Variants in KMT2A observed in about 807,000 individuals in gnomAD.
The protein encoded by KMT2A is lysine methyltransferase 2A.
In KMT2A, 16 loss-of-function variants were observed where a neutral mutation model predicts 345.3. That is an observed-to-expected ratio of 0.05 (90% CI 0.03 to 0.07). The LOEUF is 0.07. Ranked by LOEUF, KMT2A falls within the 10% of genes least tolerant of loss-of-function variation. KMT2A has a pLI of 1.00. For synonymous variants in KMT2A, 1,599 were observed against 1,778.6 expected (o/e 0.90, Z 2.54); for missense variants, 3,272 against 4,841.6 (o/e 0.68, Z 9.62).
rs782055593 is a variant in KMT2A at position 118,436,800 on chromosome 11, G to A, written c.288G>A (p.Ser96=). ...SSSASSSSSS[S]SSASSGPALL... is the part of the protein sequence containing the mutation. ...CCGCCTCGTCTTCGTCTTCGTCATCGTCCTCAGCCTCTTCAGGGCCGGCCC... is the reference window on the plus strand; with the variant it reads ...CCGCCTCGTCTTCGTCTTCGTCATCATCCTCAGCCTCTTCAGGGCCGGCCC... Residue 96 remains serine, a synonymous_variant, in exon 1 of 36, where the codon TCG becomes TCA. Transcript: ENST00000534358. The surrounding 1 kb of genome is among the most constrained non-coding windows in gnomAD (Gnocchi z 6.9). 2 of 1,607,540 alleles carry A rather than the reference G, an allele frequency of 1.2e-6. No homozygotes were observed. The highest frequency in any genetic ancestry group is 2.2e-5 in the East Asian group (1 of 44,446).
In KMT2A at chr11:118,494,569, G is replaced by T; in HGVS notation, c.5290-125G>T. 1.1e-6 allele frequency: 1 copy of T among 936,438 alleles called. No homozygotes were observed. 58.0% of individuals were successfully genotyped at this position (936,438 alleles called of 1,614,324 possible). ...GGAACTTGGTGAGGTTGCCAGAGTG[G>T]ATGGATCTTTCTCTTGGTGGCCTGA... On this transcript the variant is annotated intron_variant, in intron 17 of 35. Coordinates refer to ENST00000534358, the MANE Select transcript of KMT2A (RefSeq NM_001197104.2). The surrounding 1 kb of genome is among the most constrained non-coding windows in gnomAD (Gnocchi z 5.8).
intron 1 of KMT2A, among the ~76,000 whole-genome samples, chr11:118,464,286 A>G (rs1410798711): frequency 6.6e-6 from 1 of 152,244 alleles, no homozygotes; most frequent in African/African-American, 2.4e-5. Flanking sequence ...CTGTTATCCC[A>G]GCACTTTCAG....
intron 1 of KMT2A, among the ~76,000 whole-genome samples, chr11:118,464,550 A>C (rs1235842832): frequency 6.6e-6 from 1 of 152,124 alleles, no homozygotes; most frequent in African/African-American, 2.4e-5. Context: ...AAAAAAAAAA[A>C]AAAAAAACCT....
Position 118,505,881 on chromosome 11 carries a change from C to T in KMT2A, c.9989C>T (p.Thr3330Ile). The change falls in exon 27 of 36, where the codon ACA (threonine) becomes ATA (isoleucine). Residue 3330 changes from threonine (T) to isoleucine (I), a missense_variant. By Grantham distance (89) the Thr-to-Ile change is moderately conservative. Coordinates refer to ENST00000534358, the MANE Select transcript of KMT2A (RefSeq NM_001197104.2). The surrounding 1 kb of genome is among the most constrained non-coding windows in gnomAD (Gnocchi z 4.6). ...STISQDTSHL[T>I]SGSVSGLASS... is the part of the protein sequence containing the mutation. ...ATAAGCCAGGATACTAGCCACCTCACATCAGGGTCTGTGTCTGGCTTGGCA... is the reference window on the plus strand; with the variant it reads ...ATAAGCCAGGATACTAGCCACCTCATATCAGGGTCTGTGTCTGGCTTGGCA... 6.2e-7 allele frequency: 1 copy of T among 1,614,220 alleles called. No homozygotes were observed. Among genetic ancestry groups the T allele is most frequent in the South Asian group, 1.1e-5 (1 of 91,078 alleles).
intron 6 of KMT2A, among the ~76,000 whole-genome samples, chr11:118,481,381 TTAACA>T (rs1950129719): frequency 6.6e-6 from 1 of 152,238 alleles, no homozygotes; most frequent in Admixed American, 6.5e-5. Flanking sequence ...CTTATTTCAC[TTAACA>T]TAATGTCCTC....
At chr11:118,456,473 G>T (rs1278743461) in intron 1 of KMT2A, among the ~76,000 whole-genome samples, 2 of 151,908 alleles carry the variant, frequency 1.3e-5, no homozygotes, top group Non-Finnish European at 2.9e-5. Context: ...CAAGTAGCTG[G>T]GATTACAGGC....
chr11:118,519,836 T>C, intron 32 of KMT2A, 44 bp downstream of exon 32: 1 of 1,596,384 alleles, frequency 6.3e-7, no homozygotes, highest in South Asian at 1.1e-5. Context: ...GTCTCGATTT[T>C]CTTATCTCAT....
Position 118,498,583 on chromosome 11 carries a change from T to G in KMT2A, c.5961+55T>G. 1 of 1,528,004 alleles carries G rather than the reference T, an allele frequency of 6.5e-7. No individual in the cohort carries two copies. The highest frequency in any genetic ancestry group is 8.7e-7 in the Non-Finnish European group (1 of 1,143,076). 94.7% of individuals were successfully genotyped at this position (1,528,004 alleles called of 1,614,324 possible). On this transcript the variant is annotated intron_variant, in intron 22 of 35. Coordinates refer to ENST00000534358, the MANE Select transcript of KMT2A (RefSeq NM_001197104.2). The surrounding 1 kb of genome is among the most constrained non-coding windows in gnomAD (Gnocchi z 4.4). Reference sequence around the variant, plus strand: ...AAAAAAAAGACTTTTTTAGAGCAGTTTTAGGTTCACAGCAAAATTGACTGG... The same window carrying G: ...AAAAAAAAGACTTTTTTAGAGCAGTGTTAGGTTCACAGCAAAATTGACTGG...
At position 118,505,013 on chromosome 11, in the gene KMT2A, A is replaced by G. The variant is rs2134403152; in HGVS notation, c.9121A>G (p.Thr3041Ala). Residue 3041 changes from threonine to alanine, a missense_variant, in exon 27 of 36, where the codon ACT becomes GCT. Physicochemically the swap from Thr to Ala is moderately conservative, Grantham distance 58. Transcript: ENST00000534358. This position sits in a 1 kb window ranked among gnomAD's most constrained non-coding sequence, Gnocchi z 4.6. ...TGGCCTTCAGGTACCTGTTTCCCCAACTGTTCCCATCCAGAACCAGAAGTA... is the reference window on the plus strand; with the variant it reads ...TGGCCTTCAGGTACCTGTTTCCCCAGCTGTTCCCATCCAGAACCAGAAGTA... ...TPGLQVPVSP[T>A]VPIQNQKYVP... 1.9e-6 allele frequency: 3 copies of G among 1,614,004 alleles called. No individual in the cohort carries two copies. The highest frequency in any genetic ancestry group is 8.5e-7 in the Non-Finnish European group (1 of 1,179,988).
rs146517864 is a variant in KMT2A, at chr11:118,472,398, T to G, written c.1239T>G (p.Val413=). The G allele has an allele frequency of 6.2e-7, 1 of 1,614,080 alleles. No individual in the cohort carries two copies. The highest frequency in any genetic ancestry group is 8.5e-7 in the Non-Finnish European group (1 of 1,180,012). ...ATATTCGACAGTTCATCATGCCTGT[T>G]GTCAGTGCTATCTCCTCGCGGATCA... The part of the protein sequence containing the change: ...VKNIRQFIMP[V]VSAISSRIIK... Residue 413 remains valine, a synonymous_variant, in exon 3 of 36, where the codon GTT becomes GTG. Coordinates refer to ENST00000534358, the MANE Select transcript of KMT2A (RefSeq NM_001197104.2).
At chr11:118,462,078 C>T (rs376880734) in intron 1 of KMT2A, among the ~76,000 whole-genome samples, 5 of 152,002 alleles carry the variant, frequency 3.3e-5, no homozygotes, top group African/African-American at 9.7e-5. Flanking sequence ...CTCAGCCTCC[C>T]GAGTAGCTGG....
At chr11:118,470,252 G>A (rs782030602) in intron 2 of KMT2A, among the ~76,000 whole-genome samples, 22 of 152,266 alleles carry the variant, frequency 1.4e-4, no homozygotes, top group Middle Eastern at 3.4e-3. Flanking sequence ...CTACCACAAT[G>A]GTAAGGAATC....
rs374789593 is a variant in KMT2A at position 118,496,235 on chromosome 11, T to C, written c.5558-26T>C. 4.8e-5 allele frequency: 72 copies of C among 1,506,852 alleles called. No homozygotes were observed. In the African/African-American group the frequency reaches 6.9e-4, roughly 14 times the overall value. The allele number at this position is 1,506,852 out of a possible 1,614,324, so 93.3% of individuals were successfully genotyped here. A position where few individuals can be genotyped will look rare whatever the true frequency, so the allele number is the denominator to read the frequency against. Reference sequence around the variant, plus strand: ...CCAATTTTAACTGGATCTCAAGGTATTGATGGGAGTCTTTTGGATTTCAAG... The same window carrying C: ...CCAATTTTAACTGGATCTCAAGGTACTGATGGGAGTCTTTTGGATTTCAAG... On this transcript the variant is annotated intron_variant, in intron 19 of 35. Coordinates refer to ENST00000534358, the MANE Select transcript of KMT2A (RefSeq NM_001197104.2). This position sits in a 1 kb window ranked among gnomAD's most constrained non-coding sequence, Gnocchi z 4.7.
At position 118,503,447 on chromosome 11, in the gene KMT2A, C is replaced by T. The variant is rs782129680; in HGVS notation, c.7555C>T (p.Arg2519Trp). Reference sequence around the variant, plus strand: ...ATCTGCCAAGGAATTACAGGCACCACGGAAACGCACAGTCAAAGTGACACT... The same window carrying T: ...ATCTGCCAAGGAATTACAGGCACCATGGAAACGCACAGTCAAAGTGACACT... ...EGSAKELQAP[R>W]KRTVKVTLTP... Residue 2519 changes from arginine (R) to tryptophan (W), a missense_variant, in exon 27 of 36, where the codon CGG becomes TGG. Around this residue, in one of 27 missense-constraint regions of KMT2A, gnomAD observed 445 missense variants for 500.9 expected, o/e 0.89. Coordinates refer to ENST00000534358, the MANE Select transcript of KMT2A (RefSeq NM_001197104.2). This position sits in a 1 kb window ranked among gnomAD's most constrained non-coding sequence, Gnocchi z 5.3. 14 of 1,614,018 alleles carry T rather than the reference C, an allele frequency of 8.7e-6. No individual in the cohort carries two copies. The highest frequency in any genetic ancestry group is 2.2e-5 in the South Asian group (2 of 91,074).
chr11:118,467,506 A>T (rs1417861966), intron 1 of KMT2A, among the ~76,000 whole-genome samples: 1 of 152,200 alleles, frequency 6.6e-6, no homozygotes, highest in Middle Eastern at 3.2e-3. Flanking sequence ...TGCCAGTAAG[A>T]CTTTTCTCTC....
In KMT2A at chr11:118,473,243, C is replaced by T; in HGVS notation, c.2084C>T (p.Pro695Leu). ...GTRFDMHKRS[P>L]LLRAPRFTPS... The stretch of plus-strand genomic sequence containing the variant: ...AGGTTTGATATGCACAAAAGGAGCC[C>T]TCTTCTGAGAGCTCCAAGATTTACT... Residue 695 changes from proline (P) to leucine (L), a missense_variant, in exon 3 of 36, where the codon CCT (proline) becomes CTT (leucine). Coordinates refer to ENST00000534358, the MANE Select transcript of KMT2A (RefSeq NM_001197104.2). The surrounding 1 kb of genome is among the most constrained non-coding windows in gnomAD (Gnocchi z 5.2). 1 of 1,610,942 alleles carries T rather than the reference C, an allele frequency of 6.2e-7. No homozygotes were observed.
At chr11:118,499,983 T>C in intron 24 of KMT2A, 70 bp downstream of exon 24, 1 of 1,012,290 alleles carries the variant, frequency 9.9e-7, no homozygotes, top group Non-Finnish European at 1.6e-6. Context: ...TGCAGGTCAT[T>C]AAATGTAGAG....
intron 4 of KMT2A, among the ~76,000 whole-genome samples, chr11:118,477,329 G>A (rs1293499812): frequency 1.3e-5 from 2 of 152,010 alleles, no homozygotes; most frequent in Non-Finnish European, 2.9e-5. Flanking sequence ...GGGAGTGGGA[G>A]GCACATTCTC....
chr11:118,458,086 A>AT, intron 1 of KMT2A: 1 of 289,160 alleles, frequency 3.5e-6, no homozygotes, highest in Non-Finnish European at 7.0e-6. Flanking sequence ...AATTTATTTT[A>AT]TTTTGGTTTA....
Sources: gnomAD v4.1 joint callset for allele counts (sites outside exome capture counted in the v4.1 genomes callset) on GRCh38, gnomAD v4.1.1 for gene constraint, gnomAD v4.1.1 regional missense constraint, Gnocchi (gnomAD v3.1) non-coding constraint, MANE v1.5 for transcripts, NCBI Gene and HGNC (gene_info 2026-07-23, HGNC 2026-07-21) for gene names.